The following CADPS variants were observed in gnomAD, a reference collection of about 807,000 sequenced individuals.
CADPS encodes the protein calcium-dependent secretion activator 1.
A neutral mutation model predicts 167.3 loss-of-function variants in CADPS; 57 were observed. The ratio of observed to expected loss-of-function variants is 0.34; its 90% CI spans 0.28 to 0.42. CADPS has a LOEUF of 0.42. Among genes scored for constraint, CADPS ranks in the 20% least tolerant of loss-of-function variants. The pLI, the probability that CADPS is intolerant of heterozygous loss-of-function variation, is 1.00. For synonymous variants in CADPS, 676 were observed against 635.3 expected, an observed-to-expected ratio of 1.06 and a Z score of -0.96; for missense variants, 1,414 against 1,738.1, an observed-to-expected ratio of 0.81 and a Z score of 3.32.
chr3:62,565,178 A>G (rs2079921735), intron 9 of CADPS, among the ~76,000 whole-genome samples: 1 of 152,188 alleles, frequency 6.6e-6, no homozygotes, highest in Non-Finnish European at 1.5e-5. Context: ...ATGAGGCCCC[A>G]GTAATTTCTT....
chr3:62,792,669 C>T (rs1001482618), intron 1 of CADPS, among the ~76,000 whole-genome samples: 1 of 152,164 alleles, frequency 6.6e-6, no homozygotes, highest in Non-Finnish European at 1.5e-5. Flanking sequence ...AATCATAGCT[C>T]ACTACAACCT....
chr3:62,732,883 A>T (rs115715200), intron 3 of CADPS, among the ~76,000 whole-genome samples: 73 of 152,292 alleles, frequency 4.8e-4, no homozygotes, highest in African/African-American at 1.6e-3. Flanking sequence ...AGAGGGTAAG[A>T]AGTTGCCAAG....
intron 9 of CADPS, among the ~76,000 whole-genome samples, chr3:62,562,168 G>A (rs912651983): frequency 6.6e-6 from 1 of 152,290 alleles, no homozygotes; most frequent in Non-Finnish European, 1.5e-5. Context: ...AAGCATTGAC[G>A]GATTGAGCCA....
intron 1 of CADPS, among the ~76,000 whole-genome samples, chr3:62,775,890 G>A (rs1307062577): frequency 2.6e-5 from 4 of 152,100 alleles, no homozygotes; most frequent in Non-Finnish European, 5.9e-5. Context: ...AAAGTATTCC[G>A]TGAAGTTGGC....
intron 11 of CADPS, among the ~76,000 whole-genome samples, chr3:62,542,703 A>T (rs2075886102): frequency 6.6e-6 from 1 of 152,188 alleles, no homozygotes; most frequent in Non-Finnish European, 1.5e-5. Flanking sequence ...CAAGGCTCAC[A>T]TTGCATCATG....
intron 28 of CADPS, among the ~76,000 whole-genome samples, chr3:62,411,433 A>C (rs2048935891): frequency 6.6e-6 from 1 of 152,206 alleles, no homozygotes; most frequent in South Asian, 2.1e-4. Flanking sequence ...GACAAAAGTG[A>C]ACTATTATTT....
chr3:62,618,258 G>A (rs2062645548), intron 6 of CADPS, among the ~76,000 whole-genome samples: 1 of 152,098 alleles, frequency 6.6e-6, no homozygotes, highest in Admixed American at 6.6e-5. Context: ...CTGAGGGAAG[G>A]AGAGAGAGAA....
At chr3:62,406,661 A>G (rs1473261759) in intron 28 of CADPS, among the ~76,000 whole-genome samples, 1 of 152,190 alleles carries the variant, frequency 6.6e-6, no homozygotes, top group African/African-American at 2.4e-5. Flanking sequence ...AAGCTACTTT[A>G]ATCCTAAAAC....
intron 17 of CADPS, among the ~76,000 whole-genome samples, chr3:62,503,528 T>C (rs1030924219): frequency 1.3e-5 from 2 of 152,234 alleles, no homozygotes; most frequent in Non-Finnish European, 2.9e-5. Context: ...CCGTTATTAG[T>C]TCAAGTGAGC....
chr3:62,482,956 TA>T (rs1684427471), intron 21 of CADPS, among the ~76,000 whole-genome samples: 1 of 151,884 alleles, frequency 6.6e-6, no homozygotes, highest in Admixed American at 6.6e-5. Context: ...AGGGAGAAAA[TA>T]AAACAAAACA....
chr3:62,753,298 TA>T lies in CADPS; in HGVS notation c.888+142del. 1 of 627,310 alleles carries T rather than the reference TA, an allele frequency of 1.6e-6. No individual in the cohort carries two copies. Among genetic ancestry groups the T allele is most frequent in the Non-Finnish European group, 2.8e-6 (1 of 363,510 alleles). The allele number at this position is 627,310 out of a possible 1,614,324, so 38.9% of individuals were successfully genotyped here. A position where few individuals can be genotyped will look rare whatever the true frequency, so the allele number is the denominator to read the frequency against. On this transcript the variant is annotated intron_variant, in intron 3 of 29. Transcript: ENST00000383710. The surrounding 1 kb of genome is among the most constrained non-coding windows in gnomAD (Gnocchi z 4.6). Reference sequence around the variant, plus strand: ...AGAAAAGCATGAATATACTCCAGCCTAAACTGTATTCAACTTTTTACCAGTA... The same window carrying T: ...AGAAAAGCATGAATATACTCCAGCCTAACTGTATTCAACTTTTTACCAGTA...
At chr3:62,801,813 G>A (rs2093783171) in intron 1 of CADPS, among the ~76,000 whole-genome samples, 1 of 151,632 alleles carries the variant, frequency 6.6e-6, no homozygotes, top group African/African-American at 2.4e-5. Flanking sequence ...TGAGGGAGGT[G>A]AAGGTGAGAT....
rs867857704 is a variant in CADPS at position 62,420,896 on chromosome 3, A to G, written c.3777+17208T>C. ...CACACACACACACACACACACACAC[A>G]CACACAGGCACACACACACACACTT... is the stretch of plus-strand genomic sequence containing the variant. On this transcript the variant is annotated intron_variant, in intron 28 of 29. Coordinates refer to ENST00000383710, the MANE Select transcript of CADPS (RefSeq NM_003716.4). The surrounding 1 kb of genome is among the most constrained non-coding windows in gnomAD (Gnocchi z 4.1). Among the ~76,000 whole-genome samples the G allele has an allele frequency of 0.023, 2,740 of 121,464 alleles. 52 individuals are homozygous for G. The highest frequency in any genetic ancestry group is 0.061 in the African/African-American group (1,593 of 26,046). The allele number at this position is 121,464 out of a possible 152,430, so 79.7% of individuals were successfully genotyped here.
In CADPS at chr3:62,474,170, T is replaced by TTTTTTTTTTTTAC; in HGVS notation, c.3477+2_3477+3insGTAAAAAAAAAAA. On this transcript the variant is annotated splice_region_variant and intron_variant, in intron 24 of 29. Coordinates refer to ENST00000383710, the MANE Select transcript of CADPS (RefSeq NM_003716.4). The stretch of plus-strand genomic sequence containing the variant: ...AAATCTGTATTTTTTTTTTTTTTTT[T>TTTTTTTTTTTTAC]ACCTCTTGGCCCATTTCCATGCTGC... 2.7e-6 allele frequency: 4 copies of TTTTTTTTTTTTAC among 1,475,396 alleles called. No homozygotes were observed. The highest frequency in any genetic ancestry group is 3.6e-6 in the Non-Finnish European group (4 of 1,105,884). The allele number at this position is 1,475,396 out of a possible 1,614,324, so 91.4% of individuals were successfully genotyped here.
intron 9 of CADPS, among the ~76,000 whole-genome samples, chr3:62,570,609 G>A (rs554661335): frequency 1.3e-5 from 2 of 152,144 alleles, no homozygotes; most frequent in African/African-American, 2.4e-5. Context: ...TGTATTGTTC[G>A]AATTAAAAAA....
In CADPS at chr3:62,753,341, G is replaced by C; in HGVS notation, c.888+100C>G. 1 of 873,304 alleles carries C rather than the reference G, an allele frequency of 1.1e-6. No individual in the cohort carries two copies. The highest frequency in any genetic ancestry group is 2.5e-5 in the Admixed American group (1 of 39,532). 54.1% of individuals were successfully genotyped at this position (873,304 alleles called of 1,614,324 possible). A position where few individuals can be genotyped will look rare whatever the true frequency, so the allele number is the denominator to read the frequency against. On this transcript the variant is annotated intron_variant, in intron 3 of 29. Transcript: ENST00000383710. This position sits in a 1 kb window ranked among gnomAD's most constrained non-coding sequence, Gnocchi z 4.6. Reference sequence around the variant, plus strand: ...TTACCAGTAGAGTAATAAAATATAAGTTTTAATCCTTTTTTTAAAAAAATC... The same window carrying C: ...TTACCAGTAGAGTAATAAAATATAACTTTTAATCCTTTTTTTAAAAAAATC...
chr3:62,798,307 G>A (rs1309692171), intron 1 of CADPS, among the ~76,000 whole-genome samples: 3 of 152,130 alleles, frequency 2.0e-5, no homozygotes, highest in Non-Finnish European at 4.4e-5. Context: ...GCAGGCAGAA[G>A]AACGTGGAAG....
chr3:62,716,044 C>T (rs528103679), intron 3 of CADPS, among the ~76,000 whole-genome samples: 28 of 147,766 alleles, frequency 1.9e-4, no homozygotes, highest in African/African-American at 6.9e-4. Context: ...TGCATCCGAC[C>T]ATAAATCTAT....
chr3:62,659,315 C>T (rs1159728364), intron 4 of CADPS, among the ~76,000 whole-genome samples: 1 of 152,058 alleles, frequency 6.6e-6, no homozygotes, highest in Non-Finnish European at 1.5e-5. Context: ...TAGCCAATAT[C>T]CGAGATCTTG....
Sources: gnomAD v4.1 joint callset for allele counts (sites outside exome capture counted in the v4.1 genomes callset) on GRCh38, gnomAD v4.1.1 for gene constraint, Gnocchi (gnomAD v3.1) non-coding constraint, MANE v1.5 for transcripts, NCBI Gene and HGNC (gene_info 2026-07-23, HGNC 2026-07-21) for gene names.